TULP4: variants seen among roughly 807,000 people sequenced by gnomAD.
TULP4 encodes the protein TUB like protein 4.
TULP4 carries 16 observed loss-of-function variants against 129.0 expected under a neutral mutation model. That is an observed-to-expected ratio of 0.12 (90% CI 0.08 to 0.19). The LOEUF (loss-of-function observed/expected upper bound fraction) is 0.19, where lower values mean the gene tolerates loss of function less well. Ranked by LOEUF, TULP4 falls within the 10% of genes least tolerant of loss-of-function variation. TULP4 has a pLI of 1.00. For missense variants in TULP4, 1,842 were observed against 2,059.1 expected (o/e 0.89, Z 2.04); for synonymous variants, 998 against 854.0 (o/e 1.17, Z -2.94).
At chr6:158,481,526 G>C (rs1186889685) in intron 8 of TULP4, 4 of 566,824 alleles carry the variant, frequency 7.1e-6, no homozygotes, top group Non-Finnish European at 9.5e-6. Flanking sequence ...CTGGGCGGTG[G>C]ATAGATGAAC....
At position 158,449,229 on chromosome 6, in the gene TULP4, A is replaced by G. The variant is rs556389592; in HGVS notation, c.724+53A>G. On this transcript the variant is annotated intron_variant, in intron 4 of 13. Transcript: ENST00000367097. The stretch of plus-strand genomic sequence containing the variant: ...ACTGACCAGAAGGACAAGGAAGGGC[A>G]TCGGAGCAGAGTAGACTGATGTGGA... 8.3e-6 allele frequency: 13 copies of G among 1,563,218 alleles called. No individual in the cohort carries two copies. In the East Asian group the frequency reaches 2.7e-4, roughly 32 times the overall value.
chr6:158,396,589 T>A (rs998745202), intron 1 of TULP4, among the ~76,000 whole-genome samples: 2 of 152,210 alleles, frequency 1.3e-5, no homozygotes, highest in African/African-American at 4.8e-5. Flanking sequence ...TAGCATTCTC[T>A]AATTTTTATG....
chr6:158,335,290 A>C (rs937851503), intron 1 of TULP4, among the ~76,000 whole-genome samples: 2 of 151,976 alleles, frequency 1.3e-5, no homozygotes, highest in African/African-American at 4.8e-5. Flanking sequence ...AAAAAAAAAA[A>C]AAATTTTTGT....
At chr6:158,276,393 C>T (rs1261294812) in intron 1 of TULP4, among the ~76,000 whole-genome samples, 1 of 149,700 alleles carries the variant, frequency 6.7e-6, no homozygotes. Flanking sequence ...CAGCCTCAAA[C>T]TCCTGGGCTC....
At chr6:158,343,502 A>C (rs532301635) in intron 1 of TULP4, among the ~76,000 whole-genome samples, 1 of 152,168 alleles carries the variant, frequency 6.6e-6, no homozygotes, top group East Asian at 1.9e-4. Context: ...GATTTGGGTC[A>C]TGAGGATGGA....
At chr6:158,263,043 G>A (rs1201211971) in intron 1 of TULP4, among the ~76,000 whole-genome samples, 1 of 115,772 alleles carries the variant, frequency 8.6e-6, no homozygotes, top group African/African-American at 2.7e-5. Context: ...CCCTGTGTCT[G>A]TGTATGATTG....
intron 1 of TULP4, among the ~76,000 whole-genome samples, chr6:158,385,676 T>TTATATACA (rs1777424209): frequency 6.7e-6 from 1 of 149,066 alleles, no homozygotes; most frequent in Non-Finnish European, 1.5e-5. Flanking sequence ...TATACATGTT[T>TTATATACA]TATATACATA....
At chr6:158,439,377 C>G (rs1778829133) in intron 3 of TULP4, among the ~76,000 whole-genome samples, 1 of 152,096 alleles carries the variant, frequency 6.6e-6, no homozygotes, top group African/African-American at 2.4e-5. Context: ...AATTCAGCCT[C>G]AACAACTGCC....
intron 2 of TULP4, among the ~76,000 whole-genome samples, chr6:158,424,357 C>G (rs2115041537): frequency 6.6e-6 from 1 of 152,280 alleles, no homozygotes; most frequent in Middle Eastern, 3.4e-3. Context: ...TCAAGTGATT[C>G]TCCCGACTCA....
At chr6:158,462,248 G>A (rs1004027783) in intron 6 of TULP4, among the ~76,000 whole-genome samples, 1 of 151,976 alleles carries the variant, frequency 6.6e-6, no homozygotes, top group Admixed American at 6.6e-5. Context: ...AGAAAGAAGG[G>A]TGATATTCAT....
chr6:158,462,374 T>C (rs933949475), intron 6 of TULP4, among the ~76,000 whole-genome samples: 2 of 143,254 alleles, frequency 1.4e-5, no homozygotes, highest in African/African-American at 2.8e-5. Flanking sequence ...TTTTCTTTTC[T>C]TTTTTTCTTT....
At chr6:158,443,768 T>A (rs341122) in intron 3 of TULP4, among the ~76,000 whole-genome samples, 68,718 of 149,734 alleles carry the variant, frequency 0.46, 16,165 homozygotes, top group African/African-American at 0.58. Flanking sequence ...TTTCATCTTT[T>A]AAAAAAAAAA....
At chr6:158,273,968 C>T (rs6906854) in intron 1 of TULP4, among the ~76,000 whole-genome samples, 26,271 of 152,194 alleles carry the variant, frequency 0.17, 2,704 homozygotes, top group Middle Eastern at 0.24. Context: ...CGGTTAAAAC[C>T]TGCCTCCCGG....
chr6:158,459,889 T>C (rs1448216043), intron 5 of TULP4, among the ~76,000 whole-genome samples: 1 of 152,198 alleles, frequency 6.6e-6, no homozygotes, highest in Non-Finnish European at 1.5e-5. Flanking sequence ...AAGCAGGCTT[T>C]TCCCTGAGAT....
chr6:158,303,014 G>A (rs1414466865), intron 1 of TULP4, among the ~76,000 whole-genome samples: 2 of 149,358 alleles, frequency 1.3e-5, no homozygotes, highest in Non-Finnish European at 3.0e-5. Context: ...CCATAAATTA[G>A]AGGAAATAAT....
At chr6:158,283,151 A>C (rs200570051) in intron 1 of TULP4, among the ~76,000 whole-genome samples, 2,094 of 145,690 alleles carry the variant, frequency 0.014, 37 homozygotes, top group African/African-American at 0.042. Context: ...AAAAAAAAAA[A>C]CAAAAAAAAA....
intron 3 of TULP4, among the ~76,000 whole-genome samples, chr6:158,443,779 A>C (rs943405234): frequency 2.6e-5 from 4 of 152,120 alleles, no homozygotes; most frequent in African/African-American, 9.7e-5. Flanking sequence ...AAAAAAAAAA[A>C]CAGGAAATAT....
chr6:158,413,034 T>A lies in TULP4; in HGVS notation c.253-31T>A. On this transcript the variant is annotated intron_variant, in intron 1 of 13. Transcript: ENST00000367097. The surrounding 1 kb of genome is among the most constrained non-coding windows in gnomAD (Gnocchi z 4.9). ...AATCCTGGCCCACAGATTTATTTCC[T>A]GTGGTAAATGTCTTCTTGGTGGTTT... The A allele has an allele frequency of 6.3e-7, 1 of 1,588,396 alleles. No individual in the cohort carries two copies. Among genetic ancestry groups the A allele is most frequent in the Non-Finnish European group, 8.6e-7 (1 of 1,164,476 alleles).
chr6:158,481,556 G>A (rs780572237), intron 8 of TULP4: 11 of 525,676 alleles, frequency 2.1e-5, no homozygotes, highest in South Asian at 4.4e-5. Context: ...GGAAGTTGGC[G>A]CAGTCCTCCT....
Sources: gnomAD v4.1 joint callset for allele counts (sites outside exome capture counted in the v4.1 genomes callset) on GRCh38, gnomAD v4.1.1 for gene constraint, Gnocchi (gnomAD v3.1) non-coding constraint, MANE v1.5 for transcripts, NCBI Gene and HGNC (gene_info 2026-07-23, HGNC 2026-07-21) for gene names.